PLEKHA8: variants seen among roughly 807,000 people sequenced by gnomAD.
The protein encoded by PLEKHA8 is pleckstrin homology domain-containing family A member 8.
Under a neutral mutation model 68.2 loss-of-function variants are expected in PLEKHA8, and 36 were observed. The ratio of observed to expected loss-of-function variants is 0.53; its 90% CI spans 0.40 to 0.70. The LOEUF (loss-of-function observed/expected upper bound fraction) is 0.70. PLEKHA8 is among the 30% of genes least tolerant of loss of function. The pLI is 0.00. For synonymous variants in PLEKHA8, 211 were observed against 216.1 expected, an observed-to-expected ratio of 0.98 and a Z score of 0.20; for missense variants, 505 against 615.4, an observed-to-expected ratio of 0.82 and a Z score of 1.90.
chr7:30,114,503 G>C (rs7456381), intron 13 of PLEKHA8, among the ~76,000 whole-genome samples: 20,321 of 152,174 alleles, frequency 0.13, 1,372 homozygotes, highest in Middle Eastern at 0.16. Flanking sequence ...TTCCGTTCTT[G>C]GTGTTTTAAT....
chr7:30,039,963 T>G (rs780453539), intron 1 of PLEKHA8, among the ~76,000 whole-genome samples: 37 of 152,212 alleles, frequency 2.4e-4, no homozygotes, highest in Non-Finnish European at 5.3e-4. Flanking sequence ...TTCCAATCTT[T>G]GAGGGGAAGC....
chr7:30,048,220 T>G (rs1792117882), intron 4 of PLEKHA8, among the ~76,000 whole-genome samples: 1 of 152,188 alleles, frequency 6.6e-6, no homozygotes, highest in South Asian at 2.1e-4. Flanking sequence ...TGTATAGCTT[T>G]CCTTCCTGGA....
chr7:30,090,292 C>A, exon 13 of PLEKHA8: 1 of 1,279,562 alleles, frequency 7.8e-7, no homozygotes, highest in Non-Finnish European at 1.1e-6. Context: ...CCACAAGATT[C>A]TGTGACGGGA....
intron 1 of PLEKHA8, among the ~76,000 whole-genome samples, chr7:30,038,818 C>A (rs532400417): frequency 1.9e-3 from 288 of 151,302 alleles, no homozygotes; most frequent in Non-Finnish European, 3.3e-3. Flanking sequence ...GTTTGACTCA[C>A]AAGTAATTAC....
intron 1 of PLEKHA8, among the ~76,000 whole-genome samples, chr7:30,030,224 C>A (rs1046002892): frequency 6.6e-6 from 1 of 152,190 alleles, no homozygotes; most frequent in Non-Finnish European, 1.5e-5. Flanking sequence ...ATTACACACA[C>A]TTTTTTTCAT....
Position 30,084,607 on chromosome 7 carries a change from CAG to C in PLEKHA8, c.*5822_*5823del. On this transcript the variant is annotated 3_prime_UTR_variant, in exon 14 of 14. Coordinates refer to ENST00000449726, the MANE Select transcript of PLEKHA8 (RefSeq NM_001197026.2). ...TGCAAAAATGTTTGAAAATATCTGTCAGATTTTATATTCGTTAGTTATAATAA... is the reference window on the plus strand; with the variant it reads ...TGCAAAAATGTTTGAAAATATCTGTCATTTTATATTCGTTAGTTATAATAA... 1.1e-6 allele frequency: 1 copy of C among 945,568 alleles called. No homozygotes were observed. The allele number at this position is 945,568 out of a possible 1,614,324, so 58.6% of individuals were successfully genotyped here.
rs1790374558 is a variant in PLEKHA8 at position 30,028,487 on chromosome 7, C to A, written c.-276C>A. ...AGGCTTCGGCTGCCCCTCCGACCCA[C>A]GTAGGGCCCGGACCCGGGCCTCCTT... On this transcript the variant is annotated 5_prime_UTR_variant, in exon 1 of 14. Coordinates refer to ENST00000449726, the MANE Select transcript of PLEKHA8 (RefSeq NM_001197026.2). 2.9e-6 allele frequency: 1 copy of A among 347,116 alleles called. No individual in the cohort carries two copies. Among genetic ancestry groups the A allele is most frequent in the Non-Finnish European group, 5.2e-6 (1 of 193,126 alleles). 21.5% of individuals were successfully genotyped at this position (347,116 alleles called of 1,614,324 possible). A position where few individuals can be genotyped will look rare whatever the true frequency, so the allele number is the denominator to read the frequency against.
intron 13 of PLEKHA8, among the ~76,000 whole-genome samples, chr7:30,123,838 T>G (rs760680865): frequency 1.3e-5 from 2 of 152,198 alleles, no homozygotes; most frequent in African/African-American, 4.8e-5. Context: ...CCTGAACTTA[T>G]CAGTTACCTG....
chr7:30,115,733 T>TGCAC (rs1796445671), intron 13 of PLEKHA8: 3 of 112,902 alleles, frequency 2.7e-5, no homozygotes, highest in African/African-American at 1.0e-4. Flanking sequence ...TGCATACACG[T>TGCAC]ATACATGTAT....
chr7:30,105,596 A>G (rs539957518), intron 13 of PLEKHA8, among the ~76,000 whole-genome samples: 32 of 152,376 alleles, frequency 2.1e-4, no homozygotes, highest in Non-Finnish European at 4.1e-4. Flanking sequence ...GAATGCCCAC[A>G]AATCAGAAAA....
At chr7:30,052,356 G>A (rs887825682) in intron 6 of PLEKHA8, among the ~76,000 whole-genome samples, 3 of 152,166 alleles carry the variant, frequency 2.0e-5, no homozygotes, top group African/African-American at 7.2e-5. Context: ...TTATGACCAA[G>A]CTTGGCGAGG....
chr7:30,047,773 C>G, intron 3 of PLEKHA8, 59 bp from the exon 4 acceptor site: 1 of 1,520,064 alleles, frequency 6.6e-7, no homozygotes, highest in Non-Finnish European at 8.9e-7. Flanking sequence ...GCATAGTATC[C>G]TAACTAGTAA....
chr7:30,117,823 A>T (rs1489470276), intron 13 of PLEKHA8: 2 of 485,594 alleles, frequency 4.1e-6, no homozygotes, highest in Non-Finnish European at 7.0e-6. Flanking sequence ...AAATGAAGGC[A>T]CAAAGCTTAT....
chr7:30,083,934 G>A lies in PLEKHA8; in HGVS notation c.*5147G>A. 1.0e-6 allele frequency: 1 copy of A among 985,464 alleles called. No homozygotes were observed. Among genetic ancestry groups the A allele is most frequent in the Non-Finnish European group, 1.2e-6 (1 of 829,904 alleles). 61.0% of individuals were successfully genotyped at this position (985,464 alleles called of 1,614,324 possible). A position where few individuals can be genotyped will look rare whatever the true frequency, so the allele number is the denominator to read the frequency against. On this transcript the variant is annotated 3_prime_UTR_variant, in exon 14 of 14. Transcript: ENST00000449726. Reference sequence around the variant, plus strand: ...GTTTATAGGTGTATATGGAGTCAGTGTTGATAGGAAGGATGCTCTAGAAGT... The same window carrying A: ...GTTTATAGGTGTATATGGAGTCAGTATTGATAGGAAGGATGCTCTAGAAGT...
At chr7:30,109,448 C>T (rs868789294) in intron 13 of PLEKHA8, among the ~76,000 whole-genome samples, 15 of 151,612 alleles carry the variant, frequency 9.9e-5, no homozygotes, top group South Asian at 2.1e-4. Context: ...ATTAGCTGGG[C>T]GTGGTGGTGG....
At chr7:30,116,259 CAT>C (rs1796552492) in intron 13 of PLEKHA8, among the ~76,000 whole-genome samples, 1 of 149,504 alleles carries the variant, frequency 6.7e-6, no homozygotes, top group Non-Finnish European at 1.5e-5. Context: ...TACACGTATA[CAT>C]GCATACATGT....
chr7:30,102,364 A>G (rs903422682), intron 13 of PLEKHA8, among the ~76,000 whole-genome samples: 8 of 152,250 alleles, frequency 5.3e-5, no homozygotes, highest in African/African-American at 1.2e-4. Flanking sequence ...GCACTTTAAC[A>G]GTTCCTGAAA....
At position 30,079,281 on chromosome 7, in the gene PLEKHA8, C is replaced by T; in HGVS notation, c.*494C>T. ...TAGATGTTCTTCAGTGGACCCTCTT[C>T]ACTGCAACTCTGTCAGTGATAAGGG... is the stretch of plus-strand genomic sequence containing the variant. On this transcript the variant is annotated 3_prime_UTR_variant, in exon 14 of 14. Transcript: ENST00000449726. 1 of 989,026 alleles carries T rather than the reference C, an allele frequency of 1.0e-6. No individual in the cohort carries two copies. Among genetic ancestry groups the T allele is most frequent in the Non-Finnish European group, 1.2e-6 (1 of 832,332 alleles). 61.3% of individuals were successfully genotyped at this position (989,026 alleles called of 1,614,324 possible). A position where few individuals can be genotyped will look rare whatever the true frequency, so the allele number is the denominator to read the frequency against.
At chr7:30,043,155 G>A (rs1431979326) in intron 1 of PLEKHA8, among the ~76,000 whole-genome samples, 1 of 152,122 alleles carries the variant, frequency 6.6e-6, no homozygotes, top group Non-Finnish European at 1.5e-5. Flanking sequence ...TGCCACCACT[G>A]TCGGCTAATT....
Sources: allele counts gnomAD v4.1 joint callset (sites outside exome capture counted in the v4.1 genomes callset), GRCh38; gene constraint gnomAD v4.1.1; transcripts MANE v1.5; gene names NCBI Gene and HGNC (gene_info 2026-07-23, HGNC 2026-07-21).